CC2D2A: variants seen among roughly 807,000 people sequenced by gnomAD.
CC2D2A encodes coiled-coil and C2 domain-containing protein 2A.
Under a neutral mutation model 212.9 loss-of-function variants are expected in CC2D2A, and 155 were observed. The observed-to-expected ratio is 0.73, with a 90% CI of 0.64 to 0.83. CC2D2A has a LOEUF of 0.83. Among genes scored for constraint, CC2D2A ranks in the 40% least tolerant of loss-of-function variants. The pLI is 0.00. For missense variants in CC2D2A, 1,856 were observed against 1,956.2 expected (o/e 0.95, Z 0.97); for synonymous variants, 667 against 686.5 (o/e 0.97, Z 0.44).
intron 30 of CC2D2A, among the ~76,000 whole-genome samples, chr4:15,584,311 C>G (rs952819682): frequency 1.3e-5 from 2 of 152,040 alleles, no homozygotes; most frequent in Admixed American, 1.3e-4. Flanking sequence ...CCACATAGAC[C>G]AATGGAAGAG....
chr4:15,541,135 A>G, intron 17 of CC2D2A, 121 bp downstream of exon 17: 1 of 716,780 alleles, frequency 1.4e-6, no homozygotes, highest in South Asian at 2.6e-5. Flanking sequence ...AACATGGCAA[A>G]ACCACATCTC....
chr4:15,589,684 G>C lies in CC2D2A; in HGVS notation c.4314+5G>C. 1 of 1,482,992 alleles carries C rather than the reference G, an allele frequency of 6.7e-7. No homozygotes were observed. The highest frequency in any genetic ancestry group is 1.6e-5 in the South Asian group (1 of 64,516). The allele number at this position is 1,482,992 out of a possible 1,614,324, so 91.9% of individuals were successfully genotyped here. A position where few individuals can be genotyped will look rare whatever the true frequency, so the allele number is the denominator to read the frequency against. Reference sequence around the variant, plus strand: ...TGTTTAATAGGTCCTGACAATGTAAGTATTAACATTTCTTCTTAAATATGG... The same window carrying C: ...TGTTTAATAGGTCCTGACAATGTAACTATTAACATTTCTTCTTAAATATGG... On this transcript the variant is annotated splice_donor_5th_base_variant and intron_variant, in intron 33 of 36. Coordinates refer to ENST00000424120, the MANE Select transcript of CC2D2A (RefSeq NM_001378615.1).
At chr4:15,597,302 A>C in intron 34 of CC2D2A, 105 bp from the exon 35 acceptor site, 3 of 826,578 alleles carry the variant, frequency 3.6e-6, no homozygotes, top group Middle Eastern at 4.7e-4. Context: ...ATTATTTTCT[A>C]TATCTCGATG....
intron 27 of CC2D2A, 109 bp downstream of exon 27, chr4:15,569,498 T>G: frequency 1.5e-6 from 1 of 646,304 alleles, no homozygotes; most frequent in South Asian, 1.9e-5. Flanking sequence ...TCTAGATCCT[T>G]TCTTGGATAT....
intron 4 of CC2D2A, chr4:15,482,018 A>T: frequency 1.0e-6 from 1 of 985,380 alleles, no homozygotes; most frequent in Non-Finnish European, 1.2e-6. Flanking sequence ...AGGGAAAATG[A>T]CCACCCTTCA....
chr4:15,474,375 T>C (rs1224854904), intron 1 of CC2D2A, among the ~76,000 whole-genome samples: 1 of 152,018 alleles, frequency 6.6e-6, no homozygotes, highest in Non-Finnish European at 1.5e-5. Context: ...CACTTATGTG[T>C]GGGATCTAAA....
At chr4:15,478,306 G>A (rs1395467826) in intron 2 of CC2D2A, among the ~76,000 whole-genome samples, 2 of 152,144 alleles carry the variant, frequency 1.3e-5, no homozygotes, top group East Asian at 1.9e-4. Flanking sequence ...AAACTTAACC[G>A]GTGAAATCCC....
chr4:15,487,397 C>T (rs998558188), intron 4 of CC2D2A, among the ~76,000 whole-genome samples: 3 of 151,932 alleles, frequency 2.0e-5, no homozygotes, highest in Admixed American at 6.6e-5. Context: ...GTATAATGAC[C>T]TTCTTTGTCT....
At chr4:15,476,069 A>G in intron 2 of CC2D2A, 98 bp downstream of exon 2, 3 of 960,722 alleles carry the variant, frequency 3.1e-6, no homozygotes, top group Non-Finnish European at 4.8e-6. Context: ...ACCAGCATCT[A>G]TTGCACATGT....
intron 4 of CC2D2A, chr4:15,481,242 C>T: frequency 2.2e-6 from 1 of 454,958 alleles, no homozygotes; most frequent in South Asian, 1.6e-5. Flanking sequence ...GGCACGGTGA[C>T]TCACGTCTGT....
chr4:15,553,760 G>A (rs1187778438), intron 19 of CC2D2A, among the ~76,000 whole-genome samples: 2 of 152,140 alleles, frequency 1.3e-5, no homozygotes, highest in African/African-American at 4.8e-5. Context: ...CAGAACAGAA[G>A]AAAGGCACTC....
intron 30 of CC2D2A, among the ~76,000 whole-genome samples, chr4:15,582,050 T>C (rs1428258494): frequency 2.0e-5 from 3 of 152,128 alleles, no homozygotes; most frequent in African/African-American, 7.2e-5. Flanking sequence ...AAATATAACA[T>C]AGACATGTTT....
chr4:15,542,069 T>A (rs1187330695), intron 17 of CC2D2A, among the ~76,000 whole-genome samples: 1 of 152,160 alleles, frequency 6.6e-6, no homozygotes, highest in Non-Finnish European at 1.5e-5. Flanking sequence ...TGTGTCTCTC[T>A]CTGTGGGTCC....
intron 29 of CC2D2A, among the ~76,000 whole-genome samples, chr4:15,578,074 C>T (rs943410802): frequency 1.3e-5 from 2 of 152,180 alleles, no homozygotes; most frequent in African/African-American, 4.8e-5. Flanking sequence ...CCTGGACTGA[C>T]CATTCTACAT....
chr4:15,589,254 C>T (rs1406651426), intron 32 of CC2D2A, among the ~76,000 whole-genome samples: 1 of 152,120 alleles, frequency 6.6e-6, no homozygotes, highest in Non-Finnish European at 1.5e-5. Flanking sequence ...TGCTTATTTC[C>T]ACTAATAATA....
chr4:15,598,490 C>T (rs999463582), intron 35 of CC2D2A, among the ~76,000 whole-genome samples: 1 of 152,202 alleles, frequency 6.6e-6, no homozygotes, highest in Admixed American at 6.5e-5. Flanking sequence ...ATATCCCCTA[C>T]CTCGTAAGGT....
chr4:15,569,450 T>C, intron 27 of CC2D2A, 61 bp downstream of exon 27: 1 of 929,692 alleles, frequency 1.1e-6, no homozygotes, highest in Non-Finnish European at 1.7e-6. Context: ...ACCCACTACA[T>C]AAGTTCCAAT....
In CC2D2A at chr4:15,570,427, T is replaced by C. The variant is rs1253149471; in HGVS notation, c.3525T>C (p.His1175=). ...EDDRERGSGI[H]TRIERHWLGC... is the part of the protein sequence containing the mutation. ...ACCGTGAAAGAGGAAGTGGAATCCA[T>C]ACTCGTATTGAGAGACACTGGCTGG... The change falls in exon 28 of 37, where the codon CAT becomes CAC. Residue 1175 remains histidine, a synonymous_variant. Coordinates refer to ENST00000424120, the MANE Select transcript of CC2D2A (RefSeq NM_001378615.1). 1 of 1,606,838 alleles carries C rather than the reference T, an allele frequency of 6.2e-7. No homozygotes were observed. The highest frequency in any genetic ancestry group is 1.3e-5 in the African/African-American group (1 of 74,892).
At chr4:15,493,438 T>C (rs1047239389) in intron 4 of CC2D2A, among the ~76,000 whole-genome samples, 3 of 152,016 alleles carry the variant, frequency 2.0e-5, no homozygotes, top group Non-Finnish European at 4.4e-5. Flanking sequence ...TACACCATCA[T>C]ACCTAGCTAA....
Sources: allele counts gnomAD v4.1 joint callset (sites outside exome capture counted in the v4.1 genomes callset), GRCh38; gene constraint gnomAD v4.1.1; transcripts MANE v1.5; gene names NCBI Gene and HGNC (gene_info 2026-07-23, HGNC 2026-07-21).